HIVEP2: variants seen among roughly 807,000 people sequenced by gnomAD.
The protein encoded by HIVEP2 is transcription factor HIVEP2.
A neutral mutation model predicts 180.7 loss-of-function variants in HIVEP2; 14 were observed. The observed-to-expected ratio is 0.08, with a 90% CI of 0.05 to 0.12. The LOEUF (loss-of-function observed/expected upper bound fraction) is 0.12. Among genes scored for constraint, HIVEP2 ranks in the 10% least tolerant of loss-of-function variants. The probability of loss-of-function intolerance (pLI) is 1.00; values close to 1 mark genes in which losing one functional copy is unlikely to be tolerated. For missense variants in HIVEP2, 2,579 were observed against 3,008.5 expected (o/e 0.86, Z 3.34); for synonymous variants, 1,184 against 1,136.4 (o/e 1.04, Z -0.84).
chr6:142,859,139 T>G (rs1475221087), intron 1 of HIVEP2, among the ~76,000 whole-genome samples: 1 of 152,150 alleles, frequency 6.6e-6, no homozygotes, highest in Non-Finnish European at 1.5e-5. Context: ...TCTCTATTTT[T>G]TTTAACCAAT....
chr6:142,859,838 A>AC (rs1478340110), intron 1 of HIVEP2, among the ~76,000 whole-genome samples: 2 of 148,954 alleles, frequency 1.3e-5, no homozygotes, highest in Non-Finnish European at 3.0e-5. Context: ...CCGTCTCAAA[A>AC]AAAAAAAAAA....
At chr6:142,886,618 T>C (rs1050784325) in intron 1 of HIVEP2, among the ~76,000 whole-genome samples, 1 of 152,192 alleles carries the variant, frequency 6.6e-6, no homozygotes, top group African/African-American at 2.4e-5. Flanking sequence ...ACACCCTATT[T>C]GTTAGTCTTA....
chr6:142,810,727 A>G (rs1367457857), intron 2 of HIVEP2, among the ~76,000 whole-genome samples: 3 of 148,382 alleles, frequency 2.0e-5, no homozygotes, highest in South Asian at 4.3e-4. Flanking sequence ...GCGCCACTGC[A>G]CTACCGCCTG....
rs911041078 is a variant in HIVEP2 at position 142,885,416 on chromosome 6, CCT to C, written c.-640-48371_-640-48370del. Among the ~76,000 whole-genome samples, 22 of 152,088 alleles carry C rather than the reference CCT, an allele frequency of 1.4e-4. 1 individual carries two copies. The highest frequency in any genetic ancestry group is 6.6e-5 in the Admixed American group (1 of 15,256). On this transcript the variant is annotated intron_variant, in intron 1 of 9. Coordinates refer to ENST00000367603, the MANE Select transcript of HIVEP2 (RefSeq NM_006734.4). ...CCTGCCTTGAGCAACACCGTGAGCCCCTGTCTTCAAGCATTCAGGGAATTTAA... is the reference window on the plus strand; with the variant it reads ...CCTGCCTTGAGCAACACCGTGAGCCCGTCTTCAAGCATTCAGGGAATTTAA...
At chr6:142,916,055 T>A (rs1777542242) in intron 1 of HIVEP2, among the ~76,000 whole-genome samples, 1 of 152,172 alleles carries the variant, frequency 6.6e-6, no homozygotes, top group South Asian at 2.1e-4. Context: ...TCTCTACAGG[T>A]ACTATCAAGC....
chr6:142,801,824 C>T (rs1218130079), intron 2 of HIVEP2, among the ~76,000 whole-genome samples: 3 of 152,096 alleles, frequency 2.0e-5, no homozygotes, highest in African/African-American at 7.2e-5. Context: ...TATAGATGTC[C>T]CATCACAGGC....
chr6:142,808,523 A>AGGAG (rs1004729334), intron 2 of HIVEP2, among the ~76,000 whole-genome samples: 1 of 146,680 alleles, frequency 6.8e-6, no homozygotes, highest in East Asian at 2.2e-4. Flanking sequence ...GACAGAGGGA[A>AGGAG]GGAGGGAGGG....
intron 2 of HIVEP2, among the ~76,000 whole-genome samples, chr6:142,810,999 C>T (rs1562245052): frequency 6.6e-6 from 1 of 152,070 alleles, no homozygotes; most frequent in South Asian, 2.1e-4. Context: ...CTGTGCCTCC[C>T]AAACATTAAC....
chr6:142,944,427 C>CCACACACACACACACACACACA (rs34581763), intron 1 of HIVEP2, among the ~76,000 whole-genome samples: 1 of 146,844 alleles, frequency 6.8e-6, no homozygotes, highest in African/African-American at 2.6e-5. Flanking sequence ...CCCCACACAC[C>CCACACACACACACACACACACA]CACACACACA....
rs143084359 is a variant in HIVEP2, at chr6:142,894,856, G to C, written c.-641+50243C>G. ...GTGTTCAGAACCACTCCACTACACT[G>C]TCCCCACTGATAATATGCCAGACAC... is the stretch of plus-strand genomic sequence containing the variant. On this transcript the variant is annotated intron_variant, in intron 1 of 9. Transcript: ENST00000367603. 2.5e-3 allele frequency among the ~76,000 whole-genome samples: 382 copies of C among 152,282 alleles called. 2 individuals are homozygous for C. The Middle Eastern group carries it at 0.048, about 19-fold the overall frequency.
chr6:142,798,899 T>C (rs1776342230), intron 2 of HIVEP2, among the ~76,000 whole-genome samples: 1 of 152,188 alleles, frequency 6.6e-6, no homozygotes, highest in Admixed American at 6.5e-5. Context: ...CTAGCACTTG[T>C]AAAATGTCAT....
intron 1 of HIVEP2, among the ~76,000 whole-genome samples, chr6:142,875,455 G>T (rs1776410324): frequency 2.6e-5 from 4 of 152,136 alleles, no homozygotes; most frequent in Admixed American, 1.3e-4. Flanking sequence ...GCAAGGGAGG[G>T]TATTATATAA....
At chr6:142,755,513 G>A (rs539706663) in intron 9 of HIVEP2, among the ~76,000 whole-genome samples, 6 of 152,220 alleles carry the variant, frequency 3.9e-5, no homozygotes, top group Admixed American at 2.6e-4. Context: ...ACCGAGCTTG[G>A]TTATTTTTCT....
intron 1 of HIVEP2, among the ~76,000 whole-genome samples, chr6:142,910,481 AG>A (rs1446099326): frequency 6.6e-6 from 1 of 152,264 alleles, no homozygotes; most frequent in Non-Finnish European, 1.5e-5. Context: ...GCATGCCTGT[AG>A]TCCCAGCTAT....
chr6:142,884,029 G>A (rs376034115), intron 1 of HIVEP2, among the ~76,000 whole-genome samples: 1 of 152,080 alleles, frequency 6.6e-6, no homozygotes. Context: ...CTTGATGGGT[G>A]AAACATTTTT....
At chr6:142,923,453 T>C (rs1329497013) in intron 1 of HIVEP2, among the ~76,000 whole-genome samples, 2 of 152,230 alleles carry the variant, frequency 1.3e-5, no homozygotes, top group Non-Finnish European at 2.9e-5. Flanking sequence ...TCCCATGATG[T>C]TAGCTACAGT....
At chr6:142,848,290 T>G (rs1157424294) in intron 1 of HIVEP2, among the ~76,000 whole-genome samples, 1 of 152,244 alleles carries the variant, frequency 6.6e-6, no homozygotes, top group Non-Finnish European at 1.5e-5. Context: ...GTATCACTTC[T>G]GTAAATGAAA....
chr6:142,936,209 T>G (rs939565529), intron 1 of HIVEP2, among the ~76,000 whole-genome samples: 1 of 151,978 alleles, frequency 6.6e-6, no homozygotes, highest in South Asian at 2.1e-4. Context: ...CTCTTTTTTT[T>G]TGAGATGGAG....
intron 1 of HIVEP2, among the ~76,000 whole-genome samples, chr6:142,919,839 TTGTAAATAAA>T (rs1425979266): frequency 3.3e-4 from 50 of 152,312 alleles, no homozygotes; most frequent in African/African-American, 1.1e-3. Flanking sequence ...TGTTAATAAG[TTGTAAATAAA>T]TGTAAGCAAA....
Sources: gnomAD v4.1 joint callset for allele counts (sites outside exome capture counted in the v4.1 genomes callset) on GRCh38, gnomAD v4.1.1 for gene constraint, MANE v1.5 for transcripts, NCBI Gene and HGNC (gene_info 2026-07-23, HGNC 2026-07-21) for gene names.